RNF216: variants seen among roughly 807,000 people sequenced by gnomAD.
The protein encoded by RNF216 is E3 ubiquitin-protein ligase RNF216.
Under a neutral mutation model 110.8 loss-of-function variants are expected in RNF216, and 72 were observed. The observed-to-expected ratio is 0.65, with a 90% CI of 0.54 to 0.79. The LOEUF (loss-of-function observed/expected upper bound fraction) is 0.79, where lower values mean the gene tolerates loss of function less well. RNF216 is among the 30% of genes least tolerant of loss of function. The pLI is 0.00. For synonymous variants in RNF216, 495 were observed against 407.5 expected, an observed-to-expected ratio of 1.21 and a Z score of -2.59; for missense variants, 1,342 against 1,141.2, an observed-to-expected ratio of 1.18 and a Z score of -2.54.
intron 5 of RNF216, among the ~76,000 whole-genome samples, chr7:5,736,115 C>T (rs1181535252): frequency 2.0e-5 from 1 of 50,304 alleles, no homozygotes; most frequent in African/African-American, 3.8e-5. Flanking sequence ...ATAGCTCTCC[C>T]TCTCCCTGTC....
chr7:5,710,630 G>C (rs1271410754), intron 13 of RNF216, among the ~76,000 whole-genome samples: 1 of 152,164 alleles, frequency 6.6e-6, no homozygotes, highest in Non-Finnish European at 1.5e-5. Context: ...TGTGCTGCAT[G>C]GGCCTGCCCC....
chr7:5,704,687 G>C (rs1200210089), intron 13 of RNF216, among the ~76,000 whole-genome samples: 1 of 152,156 alleles, frequency 6.6e-6, no homozygotes, highest in Non-Finnish European at 1.5e-5. Context: ...CCACAAATAA[G>C]GACAGAAGAT....
intron 13 of RNF216, among the ~76,000 whole-genome samples, chr7:5,709,700 T>A (rs544727393): frequency 6.6e-5 from 10 of 152,204 alleles, no homozygotes; most frequent in African/African-American, 2.4e-4. Flanking sequence ...ACATGCCAAG[T>A]TGATACTCAC....
intron 1 of RNF216, among the ~76,000 whole-genome samples, chr7:5,764,688 A>G (rs1263712197): frequency 6.6e-6 from 1 of 152,084 alleles, no homozygotes; most frequent in Non-Finnish European, 1.5e-5. Context: ...AATTAACACT[A>G]AAGTAATAAA....
At chr7:5,739,244 C>A (rs535974237) in intron 5 of RNF216, 32 bp downstream of exon 5, 4 of 1,508,414 alleles carry the variant, frequency 2.7e-6, no homozygotes, top group South Asian at 1.4e-5. Flanking sequence ...ACCACCACCA[C>A]CACCACAAAA....
chr7:5,757,459 A>T (rs4720640), intron 2 of RNF216, among the ~76,000 whole-genome samples: 2 of 151,882 alleles, frequency 1.3e-5, no homozygotes, highest in Admixed American at 6.6e-5. Flanking sequence ...TTTCCTTCCT[A>T]ACAAAATTTT....
At chr7:5,702,592 CA>C (rs1402632967) in intron 13 of RNF216, among the ~76,000 whole-genome samples, 1 of 152,104 alleles carries the variant, frequency 6.6e-6, no homozygotes, top group Non-Finnish European at 1.5e-5. Context: ...AAGAATCTAA[CA>C]AACACATCTA....
At chr7:5,649,450 G>C (rs1788252594) in intron 14 of RNF216, among the ~76,000 whole-genome samples, 1 of 151,970 alleles carries the variant, frequency 6.6e-6, no homozygotes, top group Non-Finnish European at 1.5e-5. Flanking sequence ...TCAAGGCTAA[G>C]GTTAGCTGTG....
At chr7:5,771,392 A>G (rs1251323927) in intron 1 of RNF216, among the ~76,000 whole-genome samples, 1 of 152,214 alleles carries the variant, frequency 6.6e-6, no homozygotes, top group Non-Finnish European at 1.5e-5. Context: ...AAAAGAAAAA[A>G]CTGAAACACT....
chr7:5,623,809 G>A (rs923191232), intron 16 of RNF216, among the ~76,000 whole-genome samples: 9 of 152,124 alleles, frequency 5.9e-5, no homozygotes, highest in Admixed American at 4.6e-4. Flanking sequence ...TGATTCCTGA[G>A]CTCAAACCCA....
rs566017402 is a variant in RNF216, at chr7:5,771,220, AG to A, written c.-69-10083del. ...CAAAAGCCATATATGGGGTGGGAGT[AG>A]GGGGTAACAACCCCTTCCTCATGCC... On this transcript the variant is annotated intron_variant, in intron 1 of 16. Transcript: ENST00000389902. Among the ~76,000 whole-genome samples, 23 of 152,306 alleles carry A rather than the reference AG, an allele frequency of 1.5e-4. No homozygotes were observed. In the East Asian group the frequency reaches 2.9e-3, roughly 19 times the overall value.
In RNF216 at chr7:5,620,427, G is replaced by A. The variant is rs1424168956; in HGVS notation, c.*2433C>T. 1 of 152,342 alleles carries A rather than the reference G, an allele frequency of 6.6e-6. No individual in the cohort carries two copies. The highest frequency in any genetic ancestry group is 1.5e-5 in the Non-Finnish European group (1 of 68,160). The allele number at this position is 152,342 out of a possible 1,614,324, so 9.4% of individuals were successfully genotyped here. A position where few individuals can be genotyped will look rare whatever the true frequency, so the allele number is the denominator to read the frequency against. The stretch of plus-strand genomic sequence containing the variant: ...GGCACGGCCCCTTGCTGGCTGGTCT[G>A]AAGACCCCCAGTGCTTCTCTCCCCA... On this transcript the variant is annotated 3_prime_UTR_variant, in exon 17 of 17. Transcript: ENST00000389902.
At chr7:5,664,555 T>C (rs1335657944) in intron 13 of RNF216, among the ~76,000 whole-genome samples, 2 of 152,144 alleles carry the variant, frequency 1.3e-5, no homozygotes, top group African/African-American at 4.8e-5. Context: ...TCACAAACAG[T>C]AGACCCTGAA....
intron 13 of RNF216, among the ~76,000 whole-genome samples, chr7:5,689,361 T>C (rs1234654170): frequency 3.2e-5 from 4 of 126,626 alleles, no homozygotes; most frequent in Non-Finnish European, 6.3e-5. Context: ...ATTTGTAGTA[T>C]TAAAAAAAAA....
chr7:5,702,153 G>A (rs979758696), intron 13 of RNF216, among the ~76,000 whole-genome samples: 9 of 152,160 alleles, frequency 5.9e-5, no homozygotes, highest in African/African-American at 1.9e-4. Flanking sequence ...CACCTGCCGG[G>A]GGGTCAGCAG....
intron 1 of RNF216, chr7:5,780,358 G>C (rs1002583362): frequency 1.3e-5 from 2 of 152,128 alleles, no homozygotes; most frequent in African/African-American, 4.8e-5. Flanking sequence ...TTCTGTAGGT[G>C]AACGTGTGGG....
intron 14 of RNF216, among the ~76,000 whole-genome samples, chr7:5,651,994 T>C (rs550036156): frequency 3.3e-5 from 5 of 152,224 alleles, no homozygotes; most frequent in Non-Finnish European, 7.3e-5. Flanking sequence ...CACACAGTAC[T>C]ATACAAGTAA....
At chr7:5,735,755 T>C (rs1794359097) in intron 5 of RNF216, among the ~76,000 whole-genome samples, 2 of 152,176 alleles carry the variant, frequency 1.3e-5, no homozygotes, top group African/African-American at 4.8e-5. Flanking sequence ...GTGTACACTC[T>C]TAACGGTTTT....
At chr7:5,697,112 C>T (rs1791678349) in intron 13 of RNF216, among the ~76,000 whole-genome samples, 1 of 152,206 alleles carries the variant, frequency 6.6e-6, no homozygotes, top group East Asian at 1.9e-4. Context: ...CTGCTCTGGA[C>T]ACACCTGTCT....
Sources: gnomAD v4.1 joint callset for allele counts (sites outside exome capture counted in the v4.1 genomes callset) on GRCh38, gnomAD v4.1.1 for gene constraint, MANE v1.5 for transcripts, NCBI Gene and HGNC (gene_info 2026-07-23, HGNC 2026-07-21) for gene names.